The following TRIM71 variants were observed in gnomAD, a reference collection of about 807,000 sequenced individuals.
TRIM71 encodes tripartite motif containing 71, also known as E3 ubiquitin-protein ligase TRIM71.
Under a neutral mutation model 61.2 loss-of-function variants are expected in TRIM71, and 9 were observed. That is an observed-to-expected ratio of 0.15 (90% CI 0.09 to 0.26). The LOEUF (loss-of-function observed/expected upper bound fraction) is 0.26. TRIM71 is among the 10% of genes least tolerant of loss of function. The pLI is 1.00. For missense variants in TRIM71, 998 were observed against 1,238.7 expected (o/e 0.81, Z 2.92); for synonymous variants, 645 against 553.2 (o/e 1.17, Z -2.33).
chr3:32,818,529 G>A lies in TRIM71; in HGVS notation c.449G>A (p.Arg150Gln), dbSNP rs1011209310. The A allele has an allele frequency of 4.4e-6, 6 of 1,365,836 alleles. No individual in the cohort carries two copies. The highest frequency in any genetic ancestry group is 4.7e-6 in the Non-Finnish European group (5 of 1,062,670). 84.6% of individuals were successfully genotyped at this position (1,365,836 alleles called of 1,614,324 possible). A position where few individuals can be genotyped will look rare whatever the true frequency, so the allele number is the denominator to read the frequency against. Residue 150 changes from arginine to glutamine, a missense_variant, in exon 1 of 4, where the codon CGG (arginine) becomes CAG (glutamine). Arg to Gln is a conservative substitution (Grantham distance 43). Around this residue, in one of 5 missense-constraint regions of TRIM71, gnomAD observed 527 missense variants for 427.8 expected, o/e 1.23. Coordinates refer to ENST00000383763, the MANE Select transcript of TRIM71 (RefSeq NM_001039111.3). ...PAGAGGHSNH[R>Q]HHAHHAHPRA... is the part of the protein sequence containing the mutation. ...GGAGCGGGCGGCCACAGCAACCACCGGCACCACGCTCACCACGCGCACCCG... is the reference window on the plus strand; with the variant it reads ...GGAGCGGGCGGCCACAGCAACCACCAGCACCACGCTCACCACGCGCACCCG...
chr3:32,877,342 G>A (rs1696860684), intron 2 of TRIM71, among the ~76,000 whole-genome samples: 2 of 151,982 alleles, frequency 1.3e-5, no homozygotes, highest in South Asian at 4.2e-4. Flanking sequence ...GACCTCAGAT[G>A]ATCCACCTGC....
rs1164986943 is a variant in TRIM71, at chr3:32,895,992, G to A, written c.*4181G>A. 2 of 152,206 alleles carry A rather than the reference G, an allele frequency of 1.3e-5. No homozygotes were observed. The highest frequency in any genetic ancestry group is 2.9e-5 in the Non-Finnish European group (2 of 68,034). 9.4% of individuals were successfully genotyped at this position (152,206 alleles called of 1,614,324 possible). A position where few individuals can be genotyped will look rare whatever the true frequency, so the allele number is the denominator to read the frequency against. ...GAGAAATGTTCTACTTACCTTGAAA[G>A]AGAAATGTCAGGCAAATGTAGTCAT... On this transcript the variant is annotated 3_prime_UTR_variant, in exon 4 of 4. Coordinates refer to ENST00000383763, the MANE Select transcript of TRIM71 (RefSeq NM_001039111.3).
chr3:32,889,244 G>A (rs748175462), intron 3 of TRIM71, among the ~76,000 whole-genome samples: 1 of 152,066 alleles, frequency 6.6e-6, no homozygotes, highest in Non-Finnish European at 1.5e-5. Flanking sequence ...TTTGTCAAAT[G>A]GCTGTTTTTG....
intron 1 of TRIM71, among the ~76,000 whole-genome samples, chr3:32,856,024 TTTTG>T (rs1277510847): frequency 8.0e-5 from 12 of 149,950 alleles, no homozygotes; most frequent in Middle Eastern, 3.4e-3. Flanking sequence ...ATTTTTGCTT[TTTTG>T]TTTGTTTGAG....
chr3:32,828,615 C>T (rs1349489580), intron 1 of TRIM71, among the ~76,000 whole-genome samples: 1 of 148,930 alleles, frequency 6.7e-6, no homozygotes, highest in Admixed American at 6.8e-5. Context: ...TCAAGTGATC[C>T]TCCCACCTCT....
intron 2 of TRIM71, among the ~76,000 whole-genome samples, chr3:32,875,557 G>A (rs1312708638): frequency 1.3e-5 from 2 of 152,208 alleles, no homozygotes; most frequent in African/African-American, 4.8e-5. Flanking sequence ...GTAAGATTCT[G>A]GCCAGGTTCA....
intron 1 of TRIM71, among the ~76,000 whole-genome samples, chr3:32,854,147 C>A (rs1696571013): frequency 6.6e-6 from 1 of 152,156 alleles, no homozygotes; most frequent in South Asian, 2.1e-4. Context: ...TGCCACCATG[C>A]CTGGCTAATT....
intron 1 of TRIM71, among the ~76,000 whole-genome samples, chr3:32,833,128 TTGCACCAC>T (rs1390332250): frequency 5.8e-5 from 8 of 137,262 alleles, no homozygotes; most frequent in Non-Finnish European, 1.1e-4. Flanking sequence ...CAAGCTGAGA[TTGCACCAC>T]TGCACCATTG....
At chr3:32,854,870 G>A (rs763881296) in intron 1 of TRIM71, among the ~76,000 whole-genome samples, 2 of 152,136 alleles carry the variant, frequency 1.3e-5, no homozygotes, top group African/African-American at 4.8e-5. Flanking sequence ...TGAACAAGAC[G>A]GAAAAGTCAG....
intron 1 of TRIM71, among the ~76,000 whole-genome samples, chr3:32,860,517 T>G (rs1359267039): frequency 9.0e-6 from 1 of 111,094 alleles, no homozygotes; most frequent in Non-Finnish European, 1.9e-5. Context: ...ATGCCTCATT[T>G]CAGTTGCCCT....
intron 1 of TRIM71, among the ~76,000 whole-genome samples, chr3:32,819,936 C>CGAGT (rs1320745770): frequency 6.6e-6 from 1 of 152,228 alleles, no homozygotes; most frequent in African/African-American, 2.4e-5. Context: ...TTTGGGCTGT[C>CGAGT]GAGTAAACAT....
intron 1 of TRIM71, among the ~76,000 whole-genome samples, chr3:32,857,170 C>T (rs1696615487): frequency 6.6e-6 from 1 of 152,186 alleles, no homozygotes; most frequent in South Asian, 2.1e-4. Flanking sequence ...GTCCCCTGTT[C>T]CCTCTGTTTT....
intron 1 of TRIM71, among the ~76,000 whole-genome samples, chr3:32,868,166 A>G (rs1320681939): frequency 6.6e-6 from 1 of 152,038 alleles, no homozygotes; most frequent in Non-Finnish European, 1.5e-5. Context: ...CCAACTGTGA[A>G]CTGTGTCCAT....
chr3:32,873,943 C>G lies in TRIM71; in HGVS notation c.978C>G (p.Ile326Met). The G allele has an allele frequency of 2.5e-6, 4 of 1,613,622 alleles. No individual in the cohort carries two copies. Among genetic ancestry groups the G allele is most frequent in the Non-Finnish European group, 3.4e-6 (4 of 1,179,804 alleles). Reference sequence around the variant, plus strand: ...TGCAGGACTCACGGGCACTCACCATCCAGCTGCTGGCAGATGCCCAGCAGG... The same window carrying G: ...TGCAGGACTCACGGGCACTCACCATGCAGCTGCTGGCAGATGCCCAGCAGG... The part of the protein sequence containing the change: ...EALQDSRALT[I>M]QLLADAQQGR... The change falls in exon 2 of 4, where the codon ATC (isoleucine) becomes ATG (methionine). Residue 326 changes from isoleucine (I) to methionine (M), a missense_variant. Physicochemically the swap from Ile to Met is conservative, Grantham distance 10. This residue lies in a region of TRIM71 where 291 missense variants were observed against 431.2 expected (regional missense o/e 0.67). Transcript: ENST00000383763.
chr3:32,857,495 G>A (rs997785839), intron 1 of TRIM71, among the ~76,000 whole-genome samples: 1 of 152,192 alleles, frequency 6.6e-6, no homozygotes, highest in Non-Finnish European at 1.5e-5. Context: ...TAGGGGCGCT[G>A]ACGCCCTGTA....
rs1019618231 is a variant in TRIM71, at chr3:32,894,551, C to A, written c.*2740C>A. 1.3e-5 allele frequency: 2 copies of A among 152,188 alleles called. No individual in the cohort carries two copies. Among genetic ancestry groups the A allele is most frequent in the Non-Finnish European group, 2.9e-5 (2 of 68,038 alleles). The allele number at this position is 152,188 out of a possible 1,614,324, so 9.4% of individuals were successfully genotyped here. A position where few individuals can be genotyped will look rare whatever the true frequency, so the allele number is the denominator to read the frequency against. On this transcript the variant is annotated 3_prime_UTR_variant, in exon 4 of 4. Coordinates refer to ENST00000383763, the MANE Select transcript of TRIM71 (RefSeq NM_001039111.3). ...GTCCTCAGTGGTGGTATATCTATCT[C>A]CTTACCTTTCTGTACCCAAAATGGT...
intron 1 of TRIM71, among the ~76,000 whole-genome samples, chr3:32,842,924 C>G (rs1696428414): frequency 6.6e-6 from 1 of 151,964 alleles, no homozygotes; most frequent in South Asian, 2.1e-4. Context: ...CATAAATGAC[C>G]CTCTCTCAGG....
In TRIM71 at chr3:32,833,184, TAAAA is replaced by T. The variant is rs1182178339; in HGVS notation, c.852+14277_852+14280del. On this transcript the variant is annotated intron_variant, in intron 1 of 3. Transcript: ENST00000383763. ...GGTGACAAGAATGAAACTCTGTCTT[TAAAA>T]AAAAAAAAAAAAAAAAAAAAAAAAG... Among the ~76,000 whole-genome samples the T allele has an allele frequency of 1.4e-3, 76 of 54,434 alleles. No homozygotes were observed. In the South Asian group the frequency reaches 0.018, roughly 13 times the overall value. The allele number at this position is 54,434 out of a possible 152,430, so 35.7% of individuals were successfully genotyped here. A position where few individuals can be genotyped will look rare whatever the true frequency, so the allele number is the denominator to read the frequency against.
At chr3:32,823,865 A>G (rs896742315) in intron 1 of TRIM71, among the ~76,000 whole-genome samples, 4 of 152,212 alleles carry the variant, frequency 2.6e-5, no homozygotes, top group African/African-American at 9.6e-5. Context: ...CGAGGTCAAG[A>G]GATCGAGACC....
Sources: allele counts gnomAD v4.1 joint callset (sites outside exome capture counted in the v4.1 genomes callset), GRCh38; gene constraint gnomAD v4.1.1; regional missense constraint gnomAD v4.1.1; transcripts MANE v1.5; gene names NCBI Gene and HGNC (gene_info 2026-07-23, HGNC 2026-07-21).